The following C1GALT1 variants were observed in gnomAD, a reference collection of about 807,000 sequenced individuals.
The protein encoded by C1GALT1 is glycoprotein-N-acetylgalactosamine 3-beta-galactosyltransferase 1.
C1GALT1 carries 11 observed loss-of-function variants against 31.0 expected under a neutral mutation model. The observed-to-expected ratio is 0.36, with a 90% CI of 0.22 to 0.59. C1GALT1 has a LOEUF of 0.59. Ranked by LOEUF, C1GALT1 falls within the 20% of genes least tolerant of loss-of-function variation. The pLI is 0.79. For missense variants in C1GALT1, 424 were observed against 425.2 expected, an observed-to-expected ratio of 1.00 and a Z score of 0.03; for synonymous variants, 175 against 143.6, an observed-to-expected ratio of 1.22 and a Z score of -1.56.
At chr7:7,242,748 C>A (rs1402196557) in intron 3 of C1GALT1, among the ~76,000 whole-genome samples, 1 of 151,960 alleles carries the variant, frequency 6.6e-6, no homozygotes, top group African/African-American at 2.4e-5. Context: ...CATACCAACC[C>A]TATTAGGAAT....
At chr7:7,205,353 A>C (rs1781695143) in intron 1 of C1GALT1, among the ~76,000 whole-genome samples, 1 of 152,216 alleles carries the variant, frequency 6.6e-6, no homozygotes, top group African/African-American at 2.4e-5. Flanking sequence ...TGATTAACAC[A>C]TTTTATATAT....
intron 2 of C1GALT1, among the ~76,000 whole-genome samples, chr7:7,159,792 A>T (rs1385331566): frequency 6.6e-6 from 1 of 152,164 alleles, no homozygotes; most frequent in East Asian, 1.9e-4. Flanking sequence ...TTTTAATGTG[A>T]TTCAATTCAA....
chr7:7,217,325 G>T (rs1367165358), intron 1 of C1GALT1, among the ~76,000 whole-genome samples: 3 of 152,080 alleles, frequency 2.0e-5, no homozygotes, highest in African/African-American at 7.2e-5. Flanking sequence ...AGGGGGTGGG[G>T]GGGCTCCAAA....
intron 1 of C1GALT1, among the ~76,000 whole-genome samples, chr7:7,227,182 T>G (rs983769383): frequency 2.6e-5 from 4 of 152,206 alleles, no homozygotes; most frequent in Non-Finnish European, 5.9e-5. Context: ...ATCTAATATG[T>G]TAATTCTTTA....
intron 2 of C1GALT1, among the ~76,000 whole-genome samples, chr7:7,167,823 C>T (rs988800693): frequency 4.6e-5 from 7 of 152,230 alleles, no homozygotes; most frequent in South Asian, 2.1e-4. Flanking sequence ...TTTCCTACTC[C>T]TATGAAGCAG....
chr7:7,240,005 G>C (rs922286751), intron 3 of C1GALT1, among the ~76,000 whole-genome samples: 12 of 152,132 alleles, frequency 7.9e-5, no homozygotes, highest in African/African-American at 2.9e-4. Flanking sequence ...ATGCCTTTAG[G>C]CAAGTCACTA....
At chr7:7,199,861 G>A (rs6971061) in intron 1 of C1GALT1, among the ~76,000 whole-genome samples, 4,712 of 152,124 alleles carry the variant, frequency 0.031, 165 homozygotes, top group African/African-American at 0.085. Flanking sequence ...TAGGATTGCA[G>A]CCCTTGCTTT....
At chr7:7,162,769 C>T (rs57069072) in intron 2 of C1GALT1, among the ~76,000 whole-genome samples, 3,535 of 152,092 alleles carry the variant, frequency 0.023, 118 homozygotes, top group African/African-American at 0.075. Flanking sequence ...ACATCCTCTC[C>T]GGAACCTGTT....
intron 1 of C1GALT1, among the ~76,000 whole-genome samples, chr7:7,221,026 C>T (rs1365377866): frequency 2.0e-5 from 3 of 152,082 alleles, no homozygotes; most frequent in Non-Finnish European, 4.4e-5. Context: ...ACCCACGCGT[C>T]CTGAGGTTTC....
At chr7:7,179,980 G>T (rs1583733417), upstream of C1GALT1, among the ~76,000 whole-genome samples, 1 of 152,112 alleles carries the variant, frequency 6.6e-6, no homozygotes, top group Non-Finnish European at 1.5e-5. Flanking sequence ...TGGTCACATG[G>T]CCAGCCATGA....
intron 1 of C1GALT1, among the ~76,000 whole-genome samples, chr7:7,207,759 A>G (rs753887728): frequency 1.3e-5 from 2 of 148,232 alleles, no homozygotes; most frequent in Non-Finnish European, 3.0e-5. Flanking sequence ...ATTAGGTAGT[A>G]TCCCTTCCTC....
chr7:7,179,582 A>G (rs532019975), upstream of C1GALT1, among the ~76,000 whole-genome samples: 1 of 152,352 alleles, frequency 6.6e-6, no homozygotes, highest in South Asian at 2.1e-4. Context: ...AGTGCTAAAT[A>G]AATGATGACT....
At chr7:7,173,301 C>T (rs1183058262) in intron 2 of C1GALT1, among the ~76,000 whole-genome samples, 1 of 151,876 alleles carries the variant, frequency 6.6e-6, no homozygotes, top group Non-Finnish European at 1.5e-5. Context: ...CTTGCTCTCC[C>T]TTCACCTTCT....
Position 7,199,975 on chromosome 7 carries a change from G to A in C1GALT1, c.-18+17155G>A, listed in dbSNP as rs1781466866. Among the ~76,000 whole-genome samples the A allele has an allele frequency of 2.0e-5, 3 of 152,256 alleles. 1 individual carries two copies. In the South Asian group the frequency reaches 6.2e-4, roughly 32 times the overall value. On this transcript the variant is annotated intron_variant, in intron 1 of 3. Coordinates refer to ENST00000436587, the MANE Select transcript of C1GALT1 (RefSeq NM_020156.5). ...GGTCTCCTGAATACAGCACACTGATGGGTCTTGACTCTTTATCCAGTTTGC... is the reference window on the plus strand; with the variant it reads ...GGTCTCCTGAATACAGCACACTGATAGGTCTTGACTCTTTATCCAGTTTGC...
At chr7:7,201,072 G>C (rs1781512246) in intron 1 of C1GALT1, among the ~76,000 whole-genome samples, 1 of 152,218 alleles carries the variant, frequency 6.6e-6, no homozygotes, top group Admixed American at 6.5e-5. Flanking sequence ...TGGAGGAGAA[G>C]AGGCGCTCTG....
intron 1 of C1GALT1, among the ~76,000 whole-genome samples, chr7:7,206,691 G>A (rs76397353): frequency 0.034 from 3,497 of 102,938 alleles, 120 homozygotes; most frequent in African/African-American, 0.13. Flanking sequence ...AAAAAAAAAA[G>A]AAGAGAATGT....
At position 7,247,857 on chromosome 7, in the gene C1GALT1, T is replaced by A. The variant is rs1198739700; in HGVS notation, c.*4130T>A. Reference sequence around the variant, plus strand: ...AATTGATAATTTTAAGCCTACTAACTAGGGTTCCCTATGAAATTGAAAGTA... The same window carrying A: ...AATTGATAATTTTAAGCCTACTAACAAGGGTTCCCTATGAAATTGAAAGTA... On this transcript the variant is annotated 3_prime_UTR_variant, in exon 4 of 4. Transcript: ENST00000436587. 1 of 152,070 alleles carries A rather than the reference T, an allele frequency of 6.6e-6. No homozygotes were observed. The highest frequency in any genetic ancestry group is 1.5e-5 in the Non-Finnish European group (1 of 67,904). The allele number at this position is 152,070 out of a possible 1,614,324, so 9.4% of individuals were successfully genotyped here.
intron 1 of C1GALT1, among the ~76,000 whole-genome samples, chr7:7,231,431 A>G (rs755375612): frequency 1.3e-5 from 2 of 152,122 alleles, no homozygotes; most frequent in African/African-American, 2.4e-5. Context: ...TCTTCCCTCA[A>G]AGGTTCCAGT....
chr7:7,183,014 C>T (rs1780653573), intron 1 of C1GALT1, among the ~76,000 whole-genome samples, 194 bp downstream of exon 1: 1 of 152,100 alleles, frequency 6.6e-6, no homozygotes, highest in Admixed American at 6.5e-5. Flanking sequence ...TTCCCGCTCC[C>T]GGAGCCTTAG....
Sources: gnomAD v4.1 joint callset for allele counts (sites outside exome capture counted in the v4.1 genomes callset) on GRCh38, gnomAD v4.1.1 for gene constraint, MANE v1.5 for transcripts, NCBI Gene and HGNC (gene_info 2026-07-23, HGNC 2026-07-21) for gene names.